The following HEXB variants were observed in gnomAD, a reference collection of about 807,000 sequenced individuals.
HEXB encodes hexosaminidase subunit beta.
HEXB carries 51 observed loss-of-function variants against 71.2 expected under a neutral mutation model. That is an observed-to-expected ratio of 0.72 (90% confidence interval 0.57 to 0.90). The LOEUF is 0.90. Among genes scored for constraint, HEXB ranks in the 40% least tolerant of loss-of-function variants. HEXB has a pLI of 0.00. For synonymous variants in HEXB, 266 were observed against 249.3 expected (o/e 1.07, Z -0.63); for missense variants, 617 against 677.0 (o/e 0.91, Z 0.98).
chr5:74,641,353 C>G lies in HEXB; in HGVS notation c.-377+795C>G, dbSNP rs1057447614. 1.3e-5 allele frequency: 2 copies of G among 152,432 alleles called. No homozygotes were observed. Among genetic ancestry groups the G allele is most frequent in the Non-Finnish European group, 2.9e-5 (2 of 68,210 alleles). 9.4% of individuals were successfully genotyped at this position (152,432 alleles called of 1,614,324 possible). ...TTGCTGGCAGAGAGCCAAAGAGACT[C>G]CAGCCCCAGGCATTTCCTATGTGTC... On this transcript the variant is annotated intron_variant, in intron 1 of 13. Coordinates refer to the HEXB transcript ENST00000511181. The surrounding 1 kb of genome is among the most constrained non-coding windows in gnomAD (Gnocchi z 4.1).
chr5:74,661,884 CTT>C (rs1334220529), intron 1 of HEXB, among the ~76,000 whole-genome samples: 1 of 152,172 alleles, frequency 6.6e-6, no homozygotes, highest in East Asian at 1.9e-4. Context: ...AAGCAGGAGT[CTT>C]GAGCAGCCTG....
chr5:74,660,755 T>TA (rs1302709333), intron 1 of HEXB, among the ~76,000 whole-genome samples: 1 of 152,052 alleles, frequency 6.6e-6, no homozygotes, highest in African/African-American at 2.4e-5. Context: ...TGATTACCAC[T>TA]GGAAAAAAAA....
intron 1 of HEXB, among the ~76,000 whole-genome samples, chr5:74,660,065 T>C (rs1277699188): frequency 7.4e-6 from 1 of 135,024 alleles, no homozygotes; most frequent in East Asian, 2.0e-4. Context: ...GACCCTAATC[T>C]TTGTAAAAAA....
intron 1 of HEXB, among the ~76,000 whole-genome samples, chr5:74,666,454 A>G (rs1748433201): frequency 6.6e-6 from 1 of 152,206 alleles, no homozygotes; most frequent in African/African-American, 2.4e-5. Context: ...CCTGGTTGTC[A>G]TTGTCTGCAA....
chr5:74,696,419 A>G (rs1749114125), intron 3 of HEXB, among the ~76,000 whole-genome samples: 1 of 152,188 alleles, frequency 6.6e-6, no homozygotes, highest in Non-Finnish European at 1.5e-5. Context: ...TCTTTTGTCT[A>G]TATTGAAACA....
At chr5:74,679,153 G>A (rs911210943) in intron 1 of HEXB, among the ~76,000 whole-genome samples, 5 of 152,188 alleles carry the variant, frequency 3.3e-5, no homozygotes, top group African/African-American at 1.2e-4. Context: ...CTTGGAAGTA[G>A]GATGCAGCCA....
At chr5:74,712,988 C>T (rs1208225005) in intron 6 of HEXB, among the ~76,000 whole-genome samples, 2 of 151,978 alleles carry the variant, frequency 1.3e-5, no homozygotes, top group Non-Finnish European at 2.9e-5. Flanking sequence ...GTAATTCAAG[C>T]TGATAGTCCT....
At chr5:74,718,656 T>A in intron 10 of HEXB, 141 bp from the exon 11 acceptor site, 1 of 867,324 alleles carries the variant, frequency 1.2e-6, no homozygotes, top group Non-Finnish European at 1.8e-6. Context: ...GCACTAACTC[T>A]GAAGAAAAGA....
At chr5:74,697,697 C>T (rs1252706320) in intron 5 of HEXB, among the ~76,000 whole-genome samples, 37 of 138,252 alleles carry the variant, frequency 2.7e-4, no homozygotes, top group Non-Finnish European at 1.5e-5. Flanking sequence ...CACCGCACTC[C>T]AGCCTGGGCG....
At chr5:74,705,625 T>A (rs1439767870) in intron 6 of HEXB, 2 of 327,250 alleles carry the variant, frequency 6.1e-6, no homozygotes, top group African/African-American at 4.2e-5. Flanking sequence ...AATATATTTA[T>A]CAAGTTGTCC....
At chr5:74,702,098 A>G (rs1290669394) in intron 5 of HEXB, among the ~76,000 whole-genome samples, 1 of 64,440 alleles carries the variant, frequency 1.6e-5, no homozygotes, top group African/African-American at 6.3e-5. Flanking sequence ...TTTTTTTTTG[A>G]GACGGAGTCT....
chr5:74,640,916 G>C (rs919219982), intron 1 of HEXB: 1 of 152,726 alleles, frequency 6.5e-6, no homozygotes, highest in Non-Finnish European at 1.5e-5. Context: ...GGAGTTAATC[G>C]GGAGAGGAAG....
At chr5:74,713,699 T>C in intron 7 of HEXB, 64 bp downstream of exon 7, 1 of 1,389,446 alleles carries the variant, frequency 7.2e-7, no homozygotes, top group South Asian at 1.2e-5. Context: ...AGTCTTGTTC[T>C]GTCACCCAGG....
At chr5:74,675,144 G>C (rs1388767036) in intron 1 of HEXB, among the ~76,000 whole-genome samples, 1 of 152,198 alleles carries the variant, frequency 6.6e-6, no homozygotes, top group Non-Finnish European at 1.5e-5. Flanking sequence ...AGCAGAGTGA[G>C]GGGGTCAGTG....
intron 1 of HEXB, among the ~76,000 whole-genome samples, chr5:74,687,977 G>A (rs947406807): frequency 1.3e-5 from 2 of 152,088 alleles, no homozygotes; most frequent in Non-Finnish European, 2.9e-5. Context: ...TTAAACAGTT[G>A]CCCTGAAGCC....
chr5:74,689,610 T>C (rs1748950432), intron 2 of HEXB, 137 bp downstream of exon 2: 1 of 786,962 alleles, frequency 1.3e-6, no homozygotes, highest in South Asian at 1.4e-5. Flanking sequence ...AAAATAACCT[T>C]TAAAGTCTGA....
chr5:74,644,443 G>C (rs1407378323), intron 1 of HEXB, among the ~76,000 whole-genome samples: 5 of 152,124 alleles, frequency 3.3e-5, no homozygotes, highest in African/African-American at 1.2e-4. Flanking sequence ...AGAACAGTGA[G>C]AATACAGATA....
chr5:74,670,263 A>G (rs1464847056), intron 1 of HEXB, among the ~76,000 whole-genome samples: 1 of 150,358 alleles, frequency 6.7e-6, no homozygotes, highest in Non-Finnish European at 1.5e-5. Context: ...GCCTACTCAC[A>G]AACCAGTCAG....
At chr5:74,721,071 T>C in intron 13 of HEXB, 47 bp from the exon 14 acceptor site, 2 of 1,382,012 alleles carry the variant, frequency 1.4e-6, no homozygotes, top group South Asian at 2.3e-5. Context: ...TTATGAATGA[T>C]ATCAATCTAA....
Sources: allele counts gnomAD v4.1 joint callset (sites outside exome capture counted in the v4.1 genomes callset), GRCh38; gene constraint gnomAD v4.1.1; non-coding constraint Gnocchi (gnomAD v3.1); transcripts MANE v1.5; gene names NCBI Gene and HGNC (gene_info 2026-07-23, HGNC 2026-07-21).